ARHGAP22: variants seen among roughly 807,000 people sequenced by gnomAD.
The protein encoded by ARHGAP22 is Rho GTPase activating protein 22.
ARHGAP22 carries 48 observed loss-of-function variants against 59.1 expected under a neutral mutation model. That is an observed-to-expected ratio of 0.81 (90% confidence interval 0.64 to 1.03). The LOEUF (loss-of-function observed/expected upper bound fraction) is 1.03. ARHGAP22 is among the 50% of genes least tolerant of loss of function. ARHGAP22 has a pLI of 0.00. For synonymous variants in ARHGAP22, 445 were observed against 416.4 expected (o/e 1.07, Z -0.84); for missense variants, 1,015 against 958.7 (o/e 1.06, Z -0.78).
At position 48,450,885 on chromosome 10, in the gene ARHGAP22, C is replaced by G; in HGVS notation, c.1244G>C (p.Arg415Pro). Residue 415 changes from arginine to proline, a missense_variant, in exon 9 of 10, where the codon CGG (arginine) becomes CCG (proline). Transcript: ENST00000249601. ...CTGCACCTTCTTCCCAGGGCTGCAC[C>G]GGCTCCCCGGCCCCGTGGGGGCTGT... ...SRTAPTGPGS[R>P]CSPGKKVQTL... 1 of 1,586,626 alleles carries G rather than the reference C, an allele frequency of 6.3e-7. No individual in the cohort carries two copies. The highest frequency in any genetic ancestry group is 8.6e-7 in the Non-Finnish European group (1 of 1,167,902).
downstream of ARHGAP22, among the ~76,000 whole-genome samples, chr10:48,442,997 A>T (rs2045237626): frequency 6.6e-6 from 1 of 152,180 alleles, no homozygotes; most frequent in Non-Finnish European, 1.5e-5. Context: ...GCATCTGGGC[A>T]GGCGGGCTCT....
chr10:48,476,865 C>A (rs1370231711), intron 4 of ARHGAP22, among the ~76,000 whole-genome samples: 1 of 152,190 alleles, frequency 6.6e-6, no homozygotes, highest in Non-Finnish European at 1.5e-5. Flanking sequence ...GGGCCAGGAC[C>A]AAGCACAGTC....
upstream of ARHGAP22, among the ~76,000 whole-genome samples, chr10:48,609,001 A>T (rs2060780406): frequency 1.3e-5 from 2 of 152,302 alleles, no homozygotes; most frequent in South Asian, 4.1e-4. Flanking sequence ...CTCAACTCTA[A>T]TGTTCAATGA....
intron 3 of ARHGAP22, among the ~76,000 whole-genome samples, chr10:48,515,084 T>C (rs916504985): frequency 5.9e-5 from 9 of 152,170 alleles, no homozygotes; most frequent in Non-Finnish European, 1.2e-4. Flanking sequence ...AACATAAATC[T>C]GTATTATCAG....
intron 3 of ARHGAP22, among the ~76,000 whole-genome samples, chr10:48,509,699 C>G (rs901422157): frequency 6.6e-6 from 1 of 152,128 alleles, no homozygotes; most frequent in African/African-American, 2.4e-5. Context: ...CAGTGCCTTC[C>G]CAGAAGGTTA....
intron 1 of ARHGAP22, among the ~76,000 whole-genome samples, chr10:48,619,252 G>A (rs571022022): frequency 2.6e-5 from 4 of 152,058 alleles, no homozygotes; most frequent in Non-Finnish European, 5.9e-5. Flanking sequence ...TTAATATTGT[G>A]AAAATGACAA....
chr10:48,535,644 A>G (rs891016438), intron 3 of ARHGAP22, among the ~76,000 whole-genome samples: 9 of 152,224 alleles, frequency 5.9e-5, no homozygotes, highest in African/African-American at 2.2e-4. Context: ...ACACCGGTCC[A>G]GAGGGGTGAG....
At chr10:48,524,241 C>A in intron 3 of ARHGAP22, 1 of 396,606 alleles carries the variant, frequency 2.5e-6, no homozygotes, top group Non-Finnish European at 3.4e-6. Flanking sequence ...CCCGCGGCTC[C>A]CGGGCCCTCA....
At chr10:48,544,985 A>G (rs894499288) in intron 3 of ARHGAP22, among the ~76,000 whole-genome samples, 1 of 152,248 alleles carries the variant, frequency 6.6e-6, no homozygotes, top group African/African-American at 2.4e-5. Flanking sequence ...GTAAATACCA[A>G]TTTAGACTTG....
At chr10:48,513,333 C>T (rs1484938671) in intron 3 of ARHGAP22, among the ~76,000 whole-genome samples, 1 of 152,206 alleles carries the variant, frequency 6.6e-6, no homozygotes, top group Non-Finnish European at 1.5e-5. Context: ...CTGAGCAGCG[C>T]TATGCCATTG....
intron 3 of ARHGAP22, among the ~76,000 whole-genome samples, chr10:48,497,656 G>A (rs1166321182): frequency 1.3e-5 from 2 of 152,100 alleles, no homozygotes; most frequent in African/African-American, 4.8e-5. Context: ...GCACTACCGG[G>A]GACACAGGAA....
chr10:48,442,195 C>T (rs965241903), downstream of ARHGAP22, among the ~76,000 whole-genome samples: 2 of 152,214 alleles, frequency 1.3e-5, no homozygotes, highest in South Asian at 4.1e-4. Flanking sequence ...CTGGCTGCCT[C>T]ACTCCCTGCA....
intron 1 of ARHGAP22, among the ~76,000 whole-genome samples, chr10:48,593,171 A>G (rs1228457385): frequency 6.6e-6 from 1 of 152,152 alleles, no homozygotes; most frequent in Non-Finnish European, 1.5e-5. Flanking sequence ...CTCTTTACTG[A>G]AACATTACTT....
At chr10:48,460,217 T>C (rs890954926) in intron 4 of ARHGAP22, among the ~76,000 whole-genome samples, 5 of 152,296 alleles carry the variant, frequency 3.3e-5, no homozygotes, top group Admixed American at 3.3e-4. Context: ...CTGTCATTGA[T>C]TGGTTTTGCA....
intron 1 of ARHGAP22, among the ~76,000 whole-genome samples, chr10:48,590,419 G>C (rs769536824): frequency 2.0e-5 from 3 of 152,234 alleles, no homozygotes; most frequent in South Asian, 2.1e-4. Flanking sequence ...CACTGTCCTC[G>C]GTTGTGGTGG....
At chr10:48,604,704 C>T (rs1300886607) in intron 1 of ARHGAP22, 59 bp downstream of exon 1, 1 of 1,613,734 alleles carries the variant, frequency 6.2e-7, no homozygotes, top group African/African-American at 1.3e-5. Context: ...CAAGTGTCCG[C>T]GCACGTTTGC....
rs997478700 is a variant in ARHGAP22 at position 48,446,394 on chromosome 10, C to T, written c.2094G>A (p.Lys698=). ...GAAGTGAGCTCTGCCATTCCTTTTA[C>T]TTTGGGGCCCTGGCACCTTTTGCCC... ...TVGAKGARAP[K] is the part of the protein sequence containing the mutation. Residue 698 remains lysine (K), a synonymous_variant, in exon 10 of 10, where the codon AAG becomes AAA. Coordinates refer to ENST00000249601, the MANE Select transcript of ARHGAP22 (RefSeq NM_021226.4). 1 of 1,614,154 alleles carries T rather than the reference C, an allele frequency of 6.2e-7. No homozygotes were observed. Among genetic ancestry groups the T allele is most frequent in the African/African-American group, 1.3e-5 (1 of 75,050 alleles).
chr10:48,544,114 C>T (rs1487859691), intron 3 of ARHGAP22, among the ~76,000 whole-genome samples: 3 of 151,372 alleles, frequency 2.0e-5, no homozygotes, highest in Non-Finnish European at 2.9e-5. Context: ...CAGAACAAGA[C>T]TCCGTCAAAA....
intron 3 of ARHGAP22, among the ~76,000 whole-genome samples, chr10:48,547,346 C>T (rs1375129457): frequency 6.6e-6 from 1 of 152,254 alleles, no homozygotes; most frequent in Non-Finnish European, 1.5e-5. Context: ...AAACCCAAGA[C>T]CTCAAAGCCA....
Sources: allele counts gnomAD v4.1 joint callset (sites outside exome capture counted in the v4.1 genomes callset), GRCh38; gene constraint gnomAD v4.1.1; transcripts MANE v1.5; gene names NCBI Gene and HGNC (gene_info 2026-07-23, HGNC 2026-07-21).